TCF20: variants seen among roughly 807,000 people sequenced by gnomAD.
TCF20 encodes SPRE-binding protein.
Under a neutral mutation model 148.6 loss-of-function variants are expected in TCF20, and 3 were observed. The ratio of observed to expected loss-of-function variants is 0.02; its 90% CI spans 0.01 to 0.05. The LOEUF (loss-of-function observed/expected upper bound fraction) is 0.05, where lower values mean the gene tolerates loss of function less well. Among genes scored for constraint, TCF20 ranks in the 10% least tolerant of loss-of-function variants. TCF20 has a pLI of 1.00. For missense variants in TCF20, 2,350 were observed against 2,429.3 expected (o/e 0.97, Z 0.69); for synonymous variants, 1,049 against 909.5 (o/e 1.15, Z -2.76).
chr22:42,214,043 G>A lies in TCF20; in HGVS notation c.1263C>T (p.Thr421=), dbSNP rs766224526. 3.7e-6 allele frequency: 6 copies of A among 1,614,184 alleles called. No homozygotes were observed. The East Asian group carries it at 1.1e-4, about 30-fold the overall frequency. The change falls in exon 2 of 6, where the codon ACC becomes ACT. Residue 421 remains threonine, a synonymous_variant. Transcript: ENST00000677622. The stretch of plus-strand genomic sequence containing the variant: ...AATTAGGACTGGGCATCATTGATGG[G>A]GTTGGACTGAGTTGAGGCATTAACT... ...ILQLMPQLSP[T]PSMMPSPNSH...
chr22:42,256,847 T>C (rs1233255576), intron 1 of TCF20, among the ~76,000 whole-genome samples: 1 of 152,130 alleles, frequency 6.6e-6, no homozygotes, highest in Non-Finnish European at 1.5e-5. Flanking sequence ...GGAGTAACAA[T>C]TCTATTTTAT....
At chr22:42,312,926 C>T (rs1191643164) in intron 1 of TCF20, among the ~76,000 whole-genome samples, 1 of 152,142 alleles carries the variant, frequency 6.6e-6, no homozygotes, top group Non-Finnish European at 1.5e-5. Context: ...GCCTTGAGGA[C>T]GAAGCTGGGT....
chr22:42,182,885 AACC>A (rs1482916936), intron 2 of TCF20, among the ~76,000 whole-genome samples: 3 of 152,142 alleles, frequency 2.0e-5, no homozygotes, highest in Admixed American at 6.5e-5. Flanking sequence ...TACAGGCATG[AACC>A]ACCACACCTG....
intron 1 of TCF20, among the ~76,000 whole-genome samples, chr22:42,337,699 G>T (rs1436043707): frequency 6.6e-6 from 1 of 152,226 alleles, no homozygotes; most frequent in Non-Finnish European, 1.5e-5. Context: ...AAGAGAACAT[G>T]TTGATTTATA....
chr22:42,200,648 A>AG (rs1937942399), intron 2 of TCF20, among the ~76,000 whole-genome samples: 2 of 151,364 alleles, frequency 1.3e-5, no homozygotes, highest in Non-Finnish European at 2.9e-5. Context: ...TCTCAAAAAA[A>AG]AAAAAAAAAA....
intron 3 of TCF20, among the ~76,000 whole-genome samples, chr22:42,172,029 C>T (rs742088): frequency 0.039 from 5,877 of 152,318 alleles, 378 homozygotes; most frequent in African/African-American, 0.13. Flanking sequence ...GAGTAAGACA[C>T]TATGAATGCA....
intron 1 of TCF20, among the ~76,000 whole-genome samples, chr22:42,307,372 G>A (rs572225063): frequency 9.1e-4 from 139 of 152,300 alleles, no homozygotes; most frequent in Non-Finnish European, 1.9e-3. Flanking sequence ...AGCTGGGAAG[G>A]GTGACTTTGG....
chr22:42,215,814 T>C (rs1921709159), intron 1 of TCF20, among the ~76,000 whole-genome samples: 1 of 152,064 alleles, frequency 6.6e-6, no homozygotes, highest in East Asian at 1.9e-4. Context: ...CTTCTGAAAA[T>C]GCACATATGC....
Position 42,168,711 on chromosome 22 carries a change from G to T in TCF20, c.5825C>A (p.Pro1942His), listed in dbSNP as rs144341537. The T allele has an allele frequency of 3.3e-4, 539 of 1,611,216 alleles. No individual in the cohort carries two copies. The Admixed American group carries it at 3.7e-3, about 11-fold the overall frequency. The change falls in exon 5 of 6, where the codon CCC (proline) becomes CAC (histidine). Residue 1942 changes from proline to histidine, a missense_variant. Coordinates refer to ENST00000677622, the MANE Select transcript of TCF20 (RefSeq NM_001378418.1). Reference protein sequence around the residue: ...HKPPLPCPLPPLQNKTAKGSL... With the variant: ...HKPPLPCPLPHLQNKTAKGSL... ...GCCTTTCGCGGTCTTGTTCTGCAAG[G>T]GGGGGAGAGGGCACGGAAGGGGAGG...
intron 2 of TCF20, among the ~76,000 whole-genome samples, chr22:42,180,787 C>T (rs1289577485): frequency 2.0e-5 from 3 of 152,180 alleles, no homozygotes; most frequent in East Asian, 1.9e-4. Flanking sequence ...TAATGCTTCA[C>T]GTGAAACTCT....
At chr22:42,232,452 T>C (rs903811978) in intron 1 of TCF20, among the ~76,000 whole-genome samples, 1 of 151,790 alleles carries the variant, frequency 6.6e-6, no homozygotes, top group Non-Finnish European at 1.5e-5. Context: ...AGATGAAAAT[T>C]AGAAAGACGA....
intron 1 of TCF20, among the ~76,000 whole-genome samples, chr22:42,294,122 C>T (rs1244335118): frequency 2.0e-5 from 3 of 152,158 alleles, no homozygotes; most frequent in South Asian, 4.1e-4. Flanking sequence ...GGAACATCCC[C>T]GCAGGGCCAG....
In TCF20 at chr22:42,292,993, G is replaced by A. The variant is rs1160410315; in HGVS notation, c.-37+50486C>T. Among the ~76,000 whole-genome samples, 1 of 151,814 alleles carries A rather than the reference G, an allele frequency of 6.6e-6. No individual in the cohort carries two copies. Among genetic ancestry groups the A allele is most frequent in the Non-Finnish European group, 1.5e-5 (1 of 67,970 alleles). On this transcript the variant is annotated intron_variant, in intron 1 of 1. Coordinates refer to the TCF20 transcript ENST00000515426. The surrounding 1 kb of genome is among the most constrained non-coding windows in gnomAD (Gnocchi z 4.9). Reference sequence around the variant, plus strand: ...TGGGCCTCATAGGCAGGGCAGAAAGGCCAGGGAGTGGGGCCCAGCTCTGGG... The same window carrying A: ...TGGGCCTCATAGGCAGGGCAGAAAGACCAGGGAGTGGGGCCCAGCTCTGGG...
intron 1 of TCF20, among the ~76,000 whole-genome samples, chr22:42,294,661 G>A (rs902755458): frequency 1.3e-5 from 2 of 152,210 alleles, no homozygotes; most frequent in African/African-American, 4.8e-5. Flanking sequence ...CTCCTGGCAG[G>A]GACTTGATGG....
intron 2 of TCF20, among the ~76,000 whole-genome samples, chr22:42,189,409 C>T (rs1937214310): frequency 6.6e-6 from 1 of 152,170 alleles, no homozygotes; most frequent in Admixed American, 6.5e-5. Flanking sequence ...TAGAAAGATT[C>T]CATTTACAGA....
At chr22:42,181,691 T>G (rs975599947) in intron 2 of TCF20, among the ~76,000 whole-genome samples, 4 of 150,980 alleles carry the variant, frequency 2.6e-5, no homozygotes, top group Non-Finnish European at 1.5e-5. Flanking sequence ...CACTGCAGTC[T>G]CTACCTCCCA....
intron 2 of TCF20, among the ~76,000 whole-genome samples, chr22:42,195,257 C>A (rs1387748031): frequency 6.6e-6 from 1 of 151,356 alleles, no homozygotes; most frequent in Non-Finnish European, 1.5e-5. Flanking sequence ...AACAACAAAG[C>A]CTCATACAGA....
rs1298480673 is a variant in TCF20 at position 42,209,810 on chromosome 22, T to A, written c.5496A>T (p.Ser1832=). 6.2e-7 allele frequency: 1 copy of A among 1,614,068 alleles called. No individual in the cohort carries two copies. Among genetic ancestry groups the A allele is most frequent in the Non-Finnish European group, 8.5e-7 (1 of 1,180,038 alleles). The change falls in exon 2 of 6, where the codon TCA becomes TCT. Residue 1832 remains serine (S), a synonymous_variant. Coordinates refer to ENST00000677622, the MANE Select transcript of TCF20 (RefSeq NM_001378418.1). The part of the protein sequence containing the change: ...LDSKPSVPTT[S]EGGPELELQI... ...GTAACTCCAGCTCAGGGCCACCTTC[T>A]GAAGTGGTGGGCACGGAGGGCTTCG...
At chr22:42,339,723 A>G (rs1024256612) in intron 1 of TCF20, among the ~76,000 whole-genome samples, 2 of 152,214 alleles carry the variant, frequency 1.3e-5, no homozygotes, top group Non-Finnish European at 2.9e-5. Context: ...GTGAGATTCA[A>G]TCATCCCAGG....
Sources: gnomAD v4.1 joint callset for allele counts (sites outside exome capture counted in the v4.1 genomes callset) on GRCh38, gnomAD v4.1.1 for gene constraint, Gnocchi (gnomAD v3.1) non-coding constraint, MANE v1.5 for transcripts, NCBI Gene and HGNC (gene_info 2026-07-23, HGNC 2026-07-21) for gene names.